PARD3B: variants seen among roughly 807,000 people sequenced by gnomAD.
PARD3B encodes the protein par-3 family cell polarity regulator beta.
Under a neutral mutation model 130.2 loss-of-function variants are expected in PARD3B, and 103 were observed. The ratio of observed to expected loss-of-function variants is 0.79; its 90% CI spans 0.67 to 0.93. PARD3B has a LOEUF of 0.93. Ranked by LOEUF, PARD3B falls within the 40% of genes least tolerant of loss-of-function variation. The probability of loss-of-function intolerance (pLI) is 0.00; values close to 1 mark genes in which losing one functional copy is unlikely to be tolerated. For synonymous variants in PARD3B, 583 were observed against 553.2 expected (o/e 1.05, Z -0.76); for missense variants, 1,609 against 1,499.2 (o/e 1.07, Z -1.21).
intron 4 of PARD3B, among the ~76,000 whole-genome samples, chr2:205,062,778 TCA>T (rs1190834763): frequency 2.0e-5 from 3 of 152,214 alleles, no homozygotes; most frequent in Non-Finnish European, 4.4e-5. Flanking sequence ...TTTGCAGTGC[TCA>T]GTTTTTAAAA....
chr2:205,319,043 A>G (rs1007117622), intron 18 of PARD3B, among the ~76,000 whole-genome samples: 2 of 152,126 alleles, frequency 1.3e-5, no homozygotes, highest in African/African-American at 2.4e-5. Flanking sequence ...TCTCACATAT[A>G]TGGCCTCATT....
intron 1 of PARD3B, among the ~76,000 whole-genome samples, chr2:204,619,330 A>C (rs1262827653): frequency 6.6e-6 from 1 of 152,190 alleles, no homozygotes; most frequent in Admixed American, 6.5e-5. Context: ...CAGGCATTTC[A>C]TCATGGGCTA....
intron 1 of PARD3B, among the ~76,000 whole-genome samples, chr2:204,567,114 G>C (rs1421488655): frequency 6.6e-6 from 1 of 152,094 alleles, no homozygotes; most frequent in Non-Finnish European, 1.5e-5. Context: ...CCCAGCCTCA[G>C]GTGATCTGCA....
intron 2 of PARD3B, among the ~76,000 whole-genome samples, chr2:204,936,435 C>G (rs553459858): frequency 1.3e-5 from 2 of 152,340 alleles, no homozygotes; most frequent in African/African-American, 4.8e-5. Context: ...TTCTCATGCA[C>G]TTTGGACTGT....
intron 2 of PARD3B, among the ~76,000 whole-genome samples, chr2:204,877,607 G>A (rs2045893916): frequency 1.3e-5 from 2 of 152,034 alleles, no homozygotes; most frequent in South Asian, 4.1e-4. Context: ...TACTCTTACT[G>A]TCCCTCTACC....
chr2:205,245,383 A>G (rs1274015837), intron 15 of PARD3B, among the ~76,000 whole-genome samples: 1 of 152,318 alleles, frequency 6.6e-6, no homozygotes, highest in African/African-American at 2.4e-5. Context: ...CTAATTCTTA[A>G]GTATTTAATA....
chr2:204,743,184 A>G (rs2040078452), intron 2 of PARD3B, among the ~76,000 whole-genome samples: 1 of 152,180 alleles, frequency 6.6e-6, no homozygotes, highest in Non-Finnish European at 1.5e-5. Flanking sequence ...AAATGAATGA[A>G]GATTGGCTTT....
In PARD3B at chr2:205,253,431, G is replaced by T; in HGVS notation, c.2185+7609G>T. On this transcript the variant is annotated intron_variant, in intron 16 of 22. Transcript: ENST00000406610. The surrounding 1 kb of genome is among the most constrained non-coding windows in gnomAD (Gnocchi z 4.4). ...CTTCTTGGCCTTGGCTGGGCTGGTG[G>T]ATGGGAAGCCAGTATGGATCACCTT... The T allele has an allele frequency of 1.8e-6, 1 of 565,158 alleles. No homozygotes were observed. The highest frequency in any genetic ancestry group is 3.6e-6 in the Non-Finnish European group (1 of 279,850). 35.0% of individuals were successfully genotyped at this position (565,158 alleles called of 1,614,324 possible).
intron 2 of PARD3B, among the ~76,000 whole-genome samples, chr2:204,837,335 T>C (rs2044078660): frequency 6.6e-6 from 1 of 152,218 alleles, no homozygotes. Context: ...AGTTTACCAT[T>C]TTTAAATAAC....
At chr2:205,017,765 C>T (rs1040559769) in intron 3 of PARD3B, among the ~76,000 whole-genome samples, 2 of 152,058 alleles carry the variant, frequency 1.3e-5, no homozygotes, top group African/African-American at 2.4e-5. Context: ...CCTGAATCAT[C>T]CTATGTAGGT....
In PARD3B at chr2:205,091,385, A is replaced by G. The variant is rs1009366213; in HGVS notation, c.505-13041A>G. On this transcript the variant is annotated intron_variant, in intron 4 of 22. Coordinates refer to ENST00000406610, the MANE Select transcript of PARD3B (RefSeq NM_001302769.2). The surrounding 1 kb of genome is among the most constrained non-coding windows in gnomAD (Gnocchi z 4.2). ...ATGTATTTTCAAAGAGGCTCCAGAA[A>G]AGATCGCAGCATTGGCGACCTCTCA... Among the ~76,000 whole-genome samples, 1 of 152,070 alleles carries G rather than the reference A, an allele frequency of 6.6e-6. No homozygotes were observed. The highest frequency in any genetic ancestry group is 6.6e-5 in the Admixed American group (1 of 15,262).
intron 10 of PARD3B, among the ~76,000 whole-genome samples, chr2:205,126,035 G>A (rs369766812): frequency 2.0e-5 from 3 of 152,136 alleles, no homozygotes; most frequent in East Asian, 1.9e-4. Flanking sequence ...TGCTACGTGC[G>A]AAGCCCTAGG....
At chr2:205,523,541 C>G (rs1176275537) in intron 21 of PARD3B, among the ~76,000 whole-genome samples, 1 of 152,006 alleles carries the variant, frequency 6.6e-6, no homozygotes, top group Admixed American at 6.6e-5. Context: ...TTTTCTCTAT[C>G]AGTCAACATC....
intron 16 of PARD3B, among the ~76,000 whole-genome samples, chr2:205,261,245 TTAAA>T (rs2040297422): frequency 1.3e-5 from 2 of 152,062 alleles, no homozygotes; most frequent in African/African-American, 4.8e-5. Flanking sequence ...TAATTGTTTG[TTAAA>T]TGAATGAATG....
intron 2 of PARD3B, among the ~76,000 whole-genome samples, chr2:204,691,508 C>G (rs771521703): frequency 3.3e-5 from 5 of 152,034 alleles, no homozygotes; most frequent in African/African-American, 4.8e-5. Flanking sequence ...GTTTTATCTC[C>G]TATTAGTTAT....
chr2:205,430,448 A>G (rs896242620), intron 19 of PARD3B, among the ~76,000 whole-genome samples: 1 of 152,218 alleles, frequency 6.6e-6, no homozygotes, highest in East Asian at 1.9e-4. Flanking sequence ...ATTCATTTAA[A>G]TTTTAATTAA....
At chr2:205,359,060 G>T (rs145777608) in intron 18 of PARD3B, among the ~76,000 whole-genome samples, 241 of 152,272 alleles carry the variant, frequency 1.6e-3, no homozygotes, top group African/African-American at 5.6e-3. Context: ...TCTTGAAAAT[G>T]TGATAATTAG....
intron 2 of PARD3B, among the ~76,000 whole-genome samples, chr2:204,729,054 A>G (rs963466558): frequency 6.6e-6 from 1 of 152,196 alleles, no homozygotes; most frequent in Non-Finnish European, 1.5e-5. Flanking sequence ...TAAAGAAAGA[A>G]TCTTGGTGAG....
Position 204,799,035 on chromosome 2 carries a change from C to T in PARD3B, c.222+112753C>T, listed in dbSNP as rs766501183. On this transcript the variant is annotated intron_variant, in intron 2 of 22. Coordinates refer to ENST00000406610, the MANE Select transcript of PARD3B (RefSeq NM_001302769.2). The surrounding 1 kb of genome is among the most constrained non-coding windows in gnomAD (Gnocchi z 4.1). ...GTAAAGGGGACTTTTCCTTTACTCA[C>T]CAGCTCAGCCACAGCGAAGTGGAGC... is the stretch of plus-strand genomic sequence containing the variant. Among the ~76,000 whole-genome samples, 8 of 152,076 alleles carry T rather than the reference C, an allele frequency of 5.3e-5. No homozygotes were observed. The highest frequency in any genetic ancestry group is 8.8e-5 in the Non-Finnish European group (6 of 68,018).
Sources: gnomAD v4.1 joint callset for allele counts (sites outside exome capture counted in the v4.1 genomes callset) on GRCh38, gnomAD v4.1.1 for gene constraint, Gnocchi (gnomAD v3.1) non-coding constraint, MANE v1.5 for transcripts, NCBI Gene and HGNC (gene_info 2026-07-23, HGNC 2026-07-21) for gene names.